The following SRPK2 variants were observed in gnomAD, a reference collection of about 807,000 sequenced individuals.
SRPK2 encodes the protein SFRS protein kinase 2.
In SRPK2, 21 loss-of-function variants were observed where a neutral mutation model predicts 90.8. The ratio of observed to expected loss-of-function variants is 0.23; its 90% CI spans 0.16 to 0.33. The LOEUF (loss-of-function observed/expected upper bound fraction) is 0.33, where lower values mean the gene tolerates loss of function less well. Among genes scored for constraint, SRPK2 ranks in the 10% least tolerant of loss-of-function variants. SRPK2 has a pLI of 1.00. For synonymous variants in SRPK2, 288 were observed against 311.1 expected, an observed-to-expected ratio of 0.93 and a Z score of 0.78; for missense variants, 620 against 869.0, an observed-to-expected ratio of 0.71 and a Z score of 3.60.
intron 2 of SRPK2, among the ~76,000 whole-genome samples, chr7:105,249,732 T>C (rs959014539): frequency 2.6e-5 from 4 of 152,224 alleles, no homozygotes; most frequent in Admixed American, 1.3e-4. Context: ...TCATCCTATA[T>C]ATGTCTGGTC....
At chr7:105,196,380 A>G (rs553827909) in intron 3 of SRPK2, among the ~76,000 whole-genome samples, 1 of 152,370 alleles carries the variant, frequency 6.6e-6, no homozygotes, top group South Asian at 2.1e-4. Flanking sequence ...CGTCTATAAA[A>G]TACTTCAGCC....
intron 3 of SRPK2, among the ~76,000 whole-genome samples, chr7:105,176,691 A>G (rs1041133930): frequency 1.2e-5 from 1 of 84,968 alleles, no homozygotes; most frequent in African/African-American, 4.7e-5. Context: ...GTGTGTGTGT[A>G]CATATATATG....
At chr7:105,285,385 C>CAAAAA (rs58399129) in intron 2 of SRPK2, among the ~76,000 whole-genome samples, 3 of 106,202 alleles carry the variant, frequency 2.8e-5, no homozygotes, top group African/African-American at 1.1e-4. Flanking sequence ...ACCCCGTCTC[C>CAAAAA]AAAAAAAAAA....
intron 2 of SRPK2, among the ~76,000 whole-genome samples, chr7:105,315,185 T>C (rs185478883): frequency 4.4e-4 from 67 of 152,330 alleles, no homozygotes; most frequent in Non-Finnish European, 8.5e-4. Context: ...CCCTAGCCAC[T>C]GAAAGTCAAG....
intron 3 of SRPK2, among the ~76,000 whole-genome samples, chr7:105,175,988 C>T (rs148168461): frequency 7.4e-4 from 112 of 152,112 alleles, no homozygotes; most frequent in African/African-American, 2.6e-3. Context: ...TCCTATGAAG[C>T]CAGCATTTTT....
chr7:105,297,954 C>G (rs1188343596), intron 2 of SRPK2, among the ~76,000 whole-genome samples: 2 of 152,138 alleles, frequency 1.3e-5, no homozygotes, highest in Non-Finnish European at 2.9e-5. Context: ...GTTGGCCAAG[C>G]TGGTCTCGAA....
chr7:105,315,302 A>C (rs927997370), intron 2 of SRPK2, among the ~76,000 whole-genome samples: 2 of 152,186 alleles, frequency 1.3e-5, no homozygotes, highest in African/African-American at 4.8e-5. Flanking sequence ...CCACTAGCTA[A>C]ACTGACTATA....
intron 2 of SRPK2, among the ~76,000 whole-genome samples, chr7:105,246,250 G>A (rs553466456): frequency 6.6e-6 from 1 of 152,180 alleles, no homozygotes; most frequent in East Asian, 1.9e-4. Flanking sequence ...GAGCCCCTAA[G>A]GACAGCCATA....
At chr7:105,364,105 G>A (rs1818745068) in intron 2 of SRPK2, among the ~76,000 whole-genome samples, 1 of 152,000 alleles carries the variant, frequency 6.6e-6, no homozygotes, top group Non-Finnish European at 1.5e-5. Context: ...GATGGGTGCA[G>A]CAAACCAACA....
chr7:105,162,025 G>C (rs1344736552), intron 6 of SRPK2, among the ~76,000 whole-genome samples: 1 of 152,174 alleles, frequency 6.6e-6, no homozygotes, highest in Non-Finnish European at 1.5e-5. Flanking sequence ...CAGTACTACA[G>C]GTGAAAACCA....
chr7:105,386,031 C>T (rs1459114775), intron 2 of SRPK2, among the ~76,000 whole-genome samples: 1 of 152,168 alleles, frequency 6.6e-6, no homozygotes, highest in Non-Finnish European at 1.5e-5. Context: ...AACTCTATCA[C>T]CGGCCGGGCT....
intron 7 of SRPK2, among the ~76,000 whole-genome samples, chr7:105,156,181 A>G (rs1474703734): frequency 2.6e-5 from 4 of 152,220 alleles, no homozygotes. Flanking sequence ...AACCCATTAT[A>G]TAACGGCCAA....
chr7:105,249,067 C>T (rs979724463), intron 2 of SRPK2, among the ~76,000 whole-genome samples: 107 of 152,290 alleles, frequency 7.0e-4, no homozygotes, highest in Middle Eastern at 3.4e-3. Flanking sequence ...GTCTCTCAGC[C>T]TTCTTGAGGC....
Position 105,257,742 on chromosome 7 carries a change from C to T in SRPK2, c.72-53957G>A, listed in dbSNP as rs575274034. ...AGGTTCTCTATTGCTGGTGGAGACA[C>T]AAAGATTCCTTTTTAAAGAAAATTA... is the stretch of plus-strand genomic sequence containing the variant. On this transcript the variant is annotated intron_variant, in intron 2 of 15. Transcript: ENST00000393651. 1.3e-5 allele frequency among the ~76,000 whole-genome samples: 2 copies of T among 151,728 alleles called. 1 individual carries two copies. The highest frequency in any genetic ancestry group is 4.2e-4 in the South Asian group (2 of 4,800).
At chr7:105,320,265 A>C (rs1267028554) in intron 2 of SRPK2, among the ~76,000 whole-genome samples, 1 of 152,226 alleles carries the variant, frequency 6.6e-6, no homozygotes, top group Admixed American at 6.5e-5. Flanking sequence ...AAACCTTGGA[A>C]GATTCATATT....
At chr7:105,137,826 C>T (rs1385509801) in intron 11 of SRPK2, among the ~76,000 whole-genome samples, 1 of 152,216 alleles carries the variant, frequency 6.6e-6, no homozygotes, top group Admixed American at 6.5e-5. Context: ...TCAGGATCTA[C>T]ACAAACTCTT....
intron 6 of SRPK2, among the ~76,000 whole-genome samples, chr7:105,165,284 G>C (rs1354084261): frequency 1.3e-5 from 2 of 152,166 alleles, no homozygotes; most frequent in Non-Finnish European, 2.9e-5. Flanking sequence ...TAGTAGCATG[G>C]TCAAAACTGA....
At chr7:105,278,671 G>A (rs1292385455) in intron 2 of SRPK2, among the ~76,000 whole-genome samples, 1 of 151,212 alleles carries the variant, frequency 6.6e-6, no homozygotes, top group Non-Finnish European at 1.5e-5. Context: ...GGGCGACAGA[G>A]CCAGACTCCG....
intron 2 of SRPK2, among the ~76,000 whole-genome samples, chr7:105,266,244 A>G (rs1404218734): frequency 1.5e-5 from 2 of 133,010 alleles, no homozygotes; most frequent in South Asian, 5.3e-4. Context: ...AAAATAAATT[A>G]GGTTGTTTTG....
Sources: gnomAD v4.1 joint callset for allele counts (sites outside exome capture counted in the v4.1 genomes callset) on GRCh38, gnomAD v4.1.1 for gene constraint, MANE v1.5 for transcripts, NCBI Gene and HGNC (gene_info 2026-07-23, HGNC 2026-07-21) for gene names.